Variants in RNFT2 observed in about 807,000 individuals in gnomAD.
RNFT2 encodes the protein ring finger protein, transmembrane 2.
Under a neutral mutation model 53.0 loss-of-function variants are expected in RNFT2, and 36 were observed. The observed-to-expected ratio is 0.68, with a 90% CI of 0.52 to 0.90. The LOEUF (loss-of-function observed/expected upper bound fraction) is 0.90. Ranked by LOEUF, RNFT2 falls within the 40% of genes least tolerant of loss-of-function variation. The pLI is 0.00. For synonymous variants in RNFT2, 260 were observed against 253.2 expected, an observed-to-expected ratio of 1.03 and a Z score of -0.26; for missense variants, 514 against 585.6, an observed-to-expected ratio of 0.88 and a Z score of 1.26.
chr12:116,818,316 A>G (rs1204039470), intron 7 of RNFT2, among the ~76,000 whole-genome samples: 1 of 47,496 alleles, frequency 2.1e-5, no homozygotes, highest in Non-Finnish European at 3.9e-5. Context: ...GTGAGGCCCT[A>G]TCTCAAAAAA....
At chr12:116,784,907 T>G (rs1481991408) in intron 7 of RNFT2, among the ~76,000 whole-genome samples, 1 of 152,076 alleles carries the variant, frequency 6.6e-6, no homozygotes, top group African/African-American at 2.4e-5. Flanking sequence ...AAAAGAAAAT[T>G]AATCTGATTG....
intron 3 of RNFT2, among the ~76,000 whole-genome samples, chr12:116,744,347 G>A (rs1327725136): frequency 6.6e-6 from 1 of 151,992 alleles, no homozygotes; most frequent in East Asian, 1.9e-4. Flanking sequence ...AGACAACATT[G>A]TCATCTGCTC....
At position 116,836,229 on chromosome 12, in the gene RNFT2, A is replaced by G. The variant is rs145509848; in HGVS notation, c.1147A>G (p.Ile383Val). The G allele has an allele frequency of 1.2e-4, 187 of 1,592,686 alleles. No individual in the cohort carries two copies. Among genetic ancestry groups the G allele is most frequent in the Non-Finnish European group, 1.5e-4 (177 of 1,169,702 alleles). ...TGQQCTEAGD[I>V]CAICQAEFRE... Reference sequence around the variant, plus strand: ...GCAGCAGTGCACAGAAGCTGGTGACATCTGCGCCATCTGTCAGGCCGAGTT... The same window carrying G: ...GCAGCAGTGCACAGAAGCTGGTGACGTCTGCGCCATCTGTCAGGCCGAGTT... The change falls in exon 10 of 11, where the codon ATC becomes GTC. Residue 383 changes from isoleucine (I) to valine (V), a missense_variant. Physicochemically the swap from Ile to Val is conservative, Grantham distance 29. Transcript: ENST00000257575.
intron 6 of RNFT2, among the ~76,000 whole-genome samples, chr12:116,773,222 A>G (rs1206317290): frequency 2.6e-5 from 4 of 152,236 alleles, no homozygotes; most frequent in Admixed American, 2.6e-4. Flanking sequence ...TTGGCCTCCC[A>G]AAGTGCTGGG....
chr12:116,852,676 G>A lies in RNFT2; in HGVS notation c.*3228G>A. ...TGCTGTTGAAGGGGCACAAGAAATT[G>A]GAGCTGGAGAAGATTGATGAAAGTG... On this transcript the variant is annotated 3_prime_UTR_variant, in exon 11 of 11. Coordinates refer to ENST00000257575, the MANE Select transcript of RNFT2 (RefSeq NM_001382266.1). 2 of 1,614,036 alleles carry A rather than the reference G, an allele frequency of 1.2e-6. No individual in the cohort carries two copies. The highest frequency in any genetic ancestry group is 1.7e-6 in the Non-Finnish European group (2 of 1,179,900).
chr12:116,789,213 G>A (rs1034954739), intron 7 of RNFT2, among the ~76,000 whole-genome samples: 2 of 148,442 alleles, frequency 1.3e-5, no homozygotes, highest in Admixed American at 6.7e-5. Context: ...ATGGATGGTA[G>A]ATGGGTAAAT....
Position 116,852,439 on chromosome 12 carries a change from C to T in RNFT2, c.*2991C>T, listed in dbSNP as rs1284638173. On this transcript the variant is annotated 3_prime_UTR_variant, in exon 11 of 11. Transcript: ENST00000257575. ...ACCCAGCAAGACGTCTGTTCCAGGG[C>T]AGTGTAGCATCTTTCAAGCTCCGTT... 2 of 1,404,210 alleles carry T rather than the reference C, an allele frequency of 1.4e-6. No homozygotes were observed. The highest frequency in any genetic ancestry group is 1.9e-6 in the Non-Finnish European group (2 of 1,078,716). The allele number at this position is 1,404,210 out of a possible 1,614,324, so 87.0% of individuals were successfully genotyped here. A position where few individuals can be genotyped will look rare whatever the true frequency, so the allele number is the denominator to read the frequency against.
chr12:116,752,158 T>C (rs1424050871), intron 4 of RNFT2, among the ~76,000 whole-genome samples: 1 of 149,828 alleles, frequency 6.7e-6, no homozygotes, highest in Non-Finnish European at 1.5e-5. Flanking sequence ...GAGACCAGCC[T>C]GGGAAACATA....
intron 8 of RNFT2, among the ~76,000 whole-genome samples, chr12:116,834,886 G>A (rs1025295626): frequency 1.6e-4 from 21 of 134,746 alleles, no homozygotes; most frequent in African/African-American, 6.0e-4. Flanking sequence ...GTCTCGCTCT[G>A]TTGCCCAGGC....
rs1159504158 is a variant in RNFT2, at chr12:116,850,434, G to A, written c.*986G>A. On this transcript the variant is annotated 3_prime_UTR_variant, in exon 11 of 11. Transcript: ENST00000257575. ...CTGTCCTGGCCTCGCAAAGTGCTGAGTGCTGGAATTACAGGTATGAGCCCC... is the reference window on the plus strand; with the variant it reads ...CTGTCCTGGCCTCGCAAAGTGCTGAATGCTGGAATTACAGGTATGAGCCCC... 6.6e-6 allele frequency: 1 copy of A among 151,670 alleles called. No homozygotes were observed. Among genetic ancestry groups the A allele is most frequent in the Middle Eastern group, 3.4e-3 (1 of 294 alleles). The allele number at this position is 151,670 out of a possible 1,614,324, so 9.4% of individuals were successfully genotyped here.
Position 116,750,222 on chromosome 12 carries a change from G to A in RNFT2, c.465G>A (p.Glu155=), listed in dbSNP as rs1455213059. ...QPGTPAPALS[E]LKAVICWLQK... ...GGACGCCCGCCCCCGCCCTGTCCGA[G>A]CTGAAGGCTGTGATCTGCTGGCTCC... The change falls in exon 4 of 11, where the codon GAG becomes GAA. Residue 155 remains glutamate (E), a synonymous_variant. Coordinates refer to ENST00000257575, the MANE Select transcript of RNFT2 (RefSeq NM_001382266.1). 6.2e-7 allele frequency: 1 copy of A among 1,607,072 alleles called. No homozygotes were observed. Among genetic ancestry groups the A allele is most frequent in the African/African-American group, 1.3e-5 (1 of 75,004 alleles).
Position 116,766,803 on chromosome 12 carries a change from T to A in RNFT2, c.628-11T>A, listed in dbSNP as rs1276294499. On this transcript the variant is annotated splice_polypyrimidine_tract_variant and intron_variant, in intron 5 of 10. Coordinates refer to ENST00000257575, the MANE Select transcript of RNFT2 (RefSeq NM_001382266.1). ...ACCTTTGATATCACATATCTCTTGC[T>A]TTGTCTTCAGGAGAAGAGGTCAGTG... is the stretch of plus-strand genomic sequence containing the variant. 9 of 1,576,126 alleles carry A rather than the reference T, an allele frequency of 5.7e-6. No individual in the cohort carries two copies. The South Asian group carries it at 1.0e-4, about 18-fold the overall frequency.
At chr12:116,818,065 G>A (rs1030515810) in intron 7 of RNFT2, among the ~76,000 whole-genome samples, 3 of 152,190 alleles carry the variant, frequency 2.0e-5, no homozygotes, top group Non-Finnish European at 4.4e-5. Flanking sequence ...ATGGACATTT[G>A]AGCTGAAACT....
At chr12:116,800,863 A>AAAATAAAATAAAAAT (rs34964792) in intron 7 of RNFT2, among the ~76,000 whole-genome samples, 5 of 42,584 alleles carry the variant, frequency 1.2e-4, no homozygotes, top group African/African-American at 2.0e-4. Flanking sequence ...TAAAATAAAA[A>AAAATAAAATAAAAAT]CCATTTAACA....
chr12:116,824,475 C>T (rs1876219653), intron 7 of RNFT2, among the ~76,000 whole-genome samples: 1 of 152,048 alleles, frequency 6.6e-6, no homozygotes, highest in Admixed American at 6.6e-5. Context: ...GATAAGCAGC[C>T]CGAGCCTGGG....
At chr12:116,801,721 A>G (rs980325542) in intron 7 of RNFT2, among the ~76,000 whole-genome samples, 1 of 152,222 alleles carries the variant, frequency 6.6e-6, no homozygotes, top group African/African-American at 2.4e-5. Flanking sequence ...CGAACAGAAT[A>G]CCGTTTTTCA....
rs1050811195 is a variant in RNFT2, at chr12:116,755,688, T to G, written c.627+1628T>G. The G allele has an allele frequency of 8.7e-6, 13 of 1,495,404 alleles. No homozygotes were observed. In the African/African-American group the frequency reaches 1.8e-4, roughly 21 times the overall value. 92.6% of individuals were successfully genotyped at this position (1,495,404 alleles called of 1,614,324 possible). On this transcript the variant is annotated intron_variant, in intron 5 of 10. Transcript: ENST00000257575. ...GCATGCTGGGTAACATTGTAGACTC[T>G]TCCAGTTTTGCCATGGTAACACTTA... is the stretch of plus-strand genomic sequence containing the variant.
chr12:116,791,162 A>C (rs114660826), intron 7 of RNFT2, among the ~76,000 whole-genome samples: 25 of 152,294 alleles, frequency 1.6e-4, no homozygotes, highest in African/African-American at 5.8e-4. Flanking sequence ...GGCAACTGCC[A>C]ATCTGCTTTT....
intron 6 of RNFT2, among the ~76,000 whole-genome samples, chr12:116,776,765 C>T (rs1873447191): frequency 6.6e-6 from 1 of 152,092 alleles, no homozygotes; most frequent in Non-Finnish European, 1.5e-5. Context: ...CAGTCTGGCC[C>T]TTGCCCAGAG....
Sources: gnomAD v4.1 joint callset for allele counts (sites outside exome capture counted in the v4.1 genomes callset) on GRCh38, gnomAD v4.1.1 for gene constraint, MANE v1.5 for transcripts, NCBI Gene and HGNC (gene_info 2026-07-23, HGNC 2026-07-21) for gene names.